Variants in STAG1 observed in about 807,000 individuals in gnomAD.
The protein encoded by STAG1 is cohesin subunit SA-1.
A neutral mutation model predicts 170.9 loss-of-function variants in STAG1; 26 were observed. That is an observed-to-expected ratio of 0.15 (90% CI 0.11 to 0.21). The LOEUF (loss-of-function observed/expected upper bound fraction) is 0.21. STAG1 is among the 10% of genes least tolerant of loss of function. The probability of loss-of-function intolerance (pLI) is 1.00; values close to 1 mark genes in which losing one functional copy is unlikely to be tolerated. For synonymous variants in STAG1, 514 were observed against 497.7 expected, an observed-to-expected ratio of 1.03 and a Z score of -0.44; for missense variants, 964 against 1,509.5, an observed-to-expected ratio of 0.64 and a Z score of 5.99.
chr3:136,438,609 T>C (rs941650424), intron 15 of STAG1, among the ~76,000 whole-genome samples: 1 of 152,118 alleles, frequency 6.6e-6, no homozygotes, highest in African/African-American at 2.4e-5. Flanking sequence ...AGATCCCCTA[T>C]AATTATCCAC....
intron 22 of STAG1, among the ~76,000 whole-genome samples, chr3:136,391,550 T>C (rs1383567556): frequency 3.3e-5 from 5 of 152,018 alleles, no homozygotes; most frequent in African/African-American, 1.2e-4. Flanking sequence ...CTAACTTTTG[T>C]ATTTTTAGTA....
chr3:136,535,777 T>C (rs1485210066), intron 6 of STAG1, among the ~76,000 whole-genome samples: 2 of 152,184 alleles, frequency 1.3e-5, no homozygotes, highest in Non-Finnish European at 1.5e-5. Context: ...TACCCTGACT[T>C]GATCATTACA....
rs576581536 is a variant in STAG1, at chr3:136,603,763, T to C, written c.297+546A>G. ...TTAGCCGGGCATGGTGGCAGGCACC[T>C]GTAGTCCCAGCTACTCGGGAGGCTG... is the stretch of plus-strand genomic sequence containing the variant. On this transcript the variant is annotated intron_variant, in intron 4 of 33. Coordinates refer to ENST00000383202, the MANE Select transcript of STAG1 (RefSeq NM_005862.3). Among the ~76,000 whole-genome samples, 7 of 152,190 alleles carry C rather than the reference T, an allele frequency of 4.6e-5. No individual in the cohort carries two copies. In the South Asian group the frequency reaches 1.5e-3, roughly 32 times the overall value.
chr3:136,643,320 G>C (rs1940874068), intron 1 of STAG1, among the ~76,000 whole-genome samples: 1 of 152,182 alleles, frequency 6.6e-6, no homozygotes, highest in Non-Finnish European at 1.5e-5. Flanking sequence ...TATTTAAGAA[G>C]TTGCTATTTC....
At chr3:136,668,988 A>AC (rs1314342865) in intron 1 of STAG1, among the ~76,000 whole-genome samples, 1 of 152,212 alleles carries the variant, frequency 6.6e-6, no homozygotes, top group African/African-American at 2.4e-5. Context: ...CTTCAGTGGT[A>AC]CCTCCAAGGC....
chr3:136,446,052 T>C (rs886370508), intron 14 of STAG1, among the ~76,000 whole-genome samples: 2 of 152,234 alleles, frequency 1.3e-5, no homozygotes, highest in Non-Finnish European at 2.9e-5. Context: ...TGTGATGTTT[T>C]CTTGATTACT....
chr3:136,366,072 C>T (rs1937063689), intron 25 of STAG1, among the ~76,000 whole-genome samples: 1 of 151,998 alleles, frequency 6.6e-6, no homozygotes, highest in Admixed American at 6.6e-5. Context: ...ATGCATCTAT[C>T]ACTACAATAA....
chr3:136,375,530 A>G (rs1937546163), intron 23 of STAG1, among the ~76,000 whole-genome samples: 1 of 152,196 alleles, frequency 6.6e-6, no homozygotes, highest in Non-Finnish European at 1.5e-5. Context: ...CAGCACAACC[A>G]TGAAATATAC....
chr3:136,359,162 A>T lies in STAG1; in HGVS notation c.2922T>A (p.Val974=), dbSNP rs1218152801. The change falls in exon 27 of 34, where the codon GTT becomes GTA. Residue 974 remains valine (V), a synonymous_variant. Coordinates refer to ENST00000383202, the MANE Select transcript of STAG1 (RefSeq NM_005862.3). ...ATCTCACTCACTTGTGAAGTGTGGC[A>T]ACTGCTTCTCGTGTCTTAATCTGGT... ...GLDQIKTREA[V]ATLHKDGIEF... 1 of 1,609,444 alleles carries T rather than the reference A, an allele frequency of 6.2e-7. No individual in the cohort carries two copies. The highest frequency in any genetic ancestry group is 8.5e-7 in the Non-Finnish European group (1 of 1,178,264).
chr3:136,559,413 G>C (rs986083440), intron 5 of STAG1, among the ~76,000 whole-genome samples: 1 of 152,112 alleles, frequency 6.6e-6, no homozygotes, highest in African/African-American at 2.4e-5. Flanking sequence ...AGACAATAAA[G>C]AGTATGTTAT....
At chr3:136,489,208 T>C (rs752025020) in intron 9 of STAG1, among the ~76,000 whole-genome samples, 8 of 152,244 alleles carry the variant, frequency 5.3e-5, no homozygotes, top group Non-Finnish European at 1.2e-4. Context: ...TGTTTGCTTC[T>C]AGGAAAAACT....
chr3:136,542,669 T>TAA (rs55825292), intron 5 of STAG1, among the ~76,000 whole-genome samples: 15 of 113,110 alleles, frequency 1.3e-4, no homozygotes, highest in East Asian at 2.1e-4. Flanking sequence ...CTGTTTGTAA[T>TAA]AAAAAAAAAA....
chr3:136,582,267 T>A (rs1175421569), intron 4 of STAG1, among the ~76,000 whole-genome samples: 1 of 152,072 alleles, frequency 6.6e-6, no homozygotes. Context: ...ACATAGCCAA[T>A]ACCTGCAATG....
At chr3:136,461,663 A>T (rs905228144) in intron 13 of STAG1, among the ~76,000 whole-genome samples, 1 of 152,034 alleles carries the variant, frequency 6.6e-6, no homozygotes, top group African/African-American at 2.4e-5. Flanking sequence ...TTTTGGGGCA[A>T]GACCTCAATA....
rs1364436387 is a variant in STAG1 at position 136,593,905 on chromosome 3, TC to T, written c.297+10403del. Among the ~76,000 whole-genome samples the T allele has an allele frequency of 6.6e-5, 10 of 152,318 alleles. 1 individual carries two copies. In the South Asian group the frequency reaches 1.9e-3, roughly 28 times the overall value. ...AGTATTTCTGTCTTTCAATGTGTTC[TC>T]CCCATCTTTGTCATGAAGTTTCATT... On this transcript the variant is annotated intron_variant, in intron 4 of 33. Transcript: ENST00000383202.
intron 2 of STAG1, among the ~76,000 whole-genome samples, chr3:136,629,347 A>T (rs1038140034): frequency 6.6e-6 from 1 of 152,110 alleles, no homozygotes; most frequent in African/African-American, 2.4e-5. Flanking sequence ...GAGGCATAAG[A>T]CCTGAGCTAA....
At chr3:136,439,389 GACACACAC>G (rs753912835) in intron 15 of STAG1, among the ~76,000 whole-genome samples, 1,027 of 95,852 alleles carry the variant, frequency 0.011, 5 homozygotes, top group East Asian at 0.029. Flanking sequence ...AACACCCCCC[GACACACAC>G]ACACACACAC....
intron 12 of STAG1, among the ~76,000 whole-genome samples, chr3:136,470,915 T>C (rs529355027): frequency 2.7e-3 from 389 of 144,026 alleles, no homozygotes; most frequent in African/African-American, 7.6e-3. Context: ...TTCTCACTCA[T>C]AGGTGGGAAT....
intron 2 of STAG1, among the ~76,000 whole-genome samples, chr3:136,629,070 A>C (rs182513678): frequency 6.2e-4 from 95 of 152,358 alleles, no homozygotes; most frequent in African/African-American, 2.2e-3. Context: ...ACCCACAGAC[A>C]TATTACAGAT....
Sources: gnomAD v4.1 joint callset for allele counts (sites outside exome capture counted in the v4.1 genomes callset) on GRCh38, gnomAD v4.1.1 for gene constraint, MANE v1.5 for transcripts, NCBI Gene and HGNC (gene_info 2026-07-23, HGNC 2026-07-21) for gene names.